The following NCKAP5 variants were observed in gnomAD, a reference collection of about 807,000 sequenced individuals.
NCKAP5 encodes the protein NCK associated protein 5.
A neutral mutation model predicts 167.0 loss-of-function variants in NCKAP5; 92 were observed. The observed-to-expected ratio is 0.55, with a 90% CI of 0.47 to 0.66. NCKAP5 has a LOEUF of 0.66. NCKAP5 is among the 30% of genes least tolerant of loss of function. NCKAP5 has a pLI of 0.00. For synonymous variants in NCKAP5, 891 were observed against 877.4 expected (o/e 1.02, Z -0.27); for missense variants, 2,378 against 2,315.0 (o/e 1.03, Z -0.56).
chr2:133,011,604 A>T (rs970019927), intron 6 of NCKAP5, among the ~76,000 whole-genome samples: 3 of 152,240 alleles, frequency 2.0e-5, no homozygotes, highest in African/African-American at 7.2e-5. Flanking sequence ...TCAATTGTCA[A>T]TCTTCTTATG....
chr2:133,079,930 T>C (rs1042417041), intron 6 of NCKAP5, among the ~76,000 whole-genome samples: 1 of 152,130 alleles, frequency 6.6e-6, no homozygotes, highest in Admixed American at 6.5e-5. Context: ...GATTTGTTAT[T>C]CATTTATCTT....
intron 11 of NCKAP5, among the ~76,000 whole-genome samples, chr2:132,821,026 A>G (rs1162113819): frequency 6.6e-6 from 1 of 152,198 alleles, no homozygotes; most frequent in Non-Finnish European, 1.5e-5. Context: ...GATGGTGGAG[A>G]GGAGACAGGG....
rs2566530 is a variant in NCKAP5, at chr2:132,679,599, T to A, written c.5714-6294A>T. Among the ~76,000 whole-genome samples, 7 of 152,092 alleles carry A rather than the reference T, an allele frequency of 4.6e-5. No individual in the cohort carries two copies. The East Asian group carries it at 1.4e-3, about 29-fold the overall frequency. On this transcript the variant is annotated intron_variant, in intron 19 of 19. Transcript: ENST00000409261. Reference sequence around the variant, plus strand: ...CAGGGAGTTAGTTTGCACAGAGAAGTGTCTCCATGGGCAAAGAAATAGGAA... The same window carrying A: ...CAGGGAGTTAGTTTGCACAGAGAAGAGTCTCCATGGGCAAAGAAATAGGAA...
At chr2:133,438,123 C>T (rs1690609714) in intron 3 of NCKAP5, among the ~76,000 whole-genome samples, 1 of 152,206 alleles carries the variant, frequency 6.6e-6, no homozygotes, top group South Asian at 2.1e-4. Context: ...TAAGTCCATA[C>T]CTTGCCTGTT....
chr2:133,307,829 T>C (rs1191907126), intron 3 of NCKAP5, among the ~76,000 whole-genome samples: 1 of 152,068 alleles, frequency 6.6e-6, no homozygotes, highest in Admixed American at 6.5e-5. Context: ...ACATATGTAA[T>C]ACCTGAGCAA....
At chr2:133,053,239 G>A (rs548327007) in intron 6 of NCKAP5, among the ~76,000 whole-genome samples, 4 of 152,246 alleles carry the variant, frequency 2.6e-5, no homozygotes, top group South Asian at 2.1e-4. Flanking sequence ...TCCTCCAATA[G>A]CTTTAGTTTT....
At chr2:133,101,920 T>C (rs1418403039) in intron 6 of NCKAP5, among the ~76,000 whole-genome samples, 4 of 152,034 alleles carry the variant, frequency 2.6e-5, no homozygotes, top group African/African-American at 7.2e-5. Flanking sequence ...AATCAGTCAC[T>C]AACATCCTCG....
intron 7 of NCKAP5, among the ~76,000 whole-genome samples, chr2:132,972,276 C>CA: frequency 6.6e-6 from 1 of 152,170 alleles, no homozygotes; most frequent in East Asian, 1.9e-4. Context: ...GGCTCACTAT[C>CA]TTATGATTGT....
chr2:133,158,425 G>T (rs907997853), intron 5 of NCKAP5, among the ~76,000 whole-genome samples: 3 of 152,176 alleles, frequency 2.0e-5, no homozygotes, highest in Admixed American at 1.3e-4. Flanking sequence ...AATGGAGGCT[G>T]CACCTTTTAA....
Position 132,999,196 on chromosome 2 carries a change from T to C in NCKAP5, c.342-4957A>G, listed in dbSNP as rs549174927. On this transcript the variant is annotated intron_variant, in intron 6 of 19. Transcript: ENST00000409261. ...TTTTATTTTATTAAAATAGATTCCA[T>C]TTTTTAAGGTACACACTATGTAATC... Among the ~76,000 whole-genome samples, 39 of 152,326 alleles carry C rather than the reference T, an allele frequency of 2.6e-4. No individual in the cohort carries two copies. The East Asian group carries it at 7.1e-3, about 28-fold the overall frequency.
At chr2:133,152,970 A>G (rs1333575650) in intron 5 of NCKAP5, among the ~76,000 whole-genome samples, 1 of 152,232 alleles carries the variant, frequency 6.6e-6, no homozygotes, top group South Asian at 2.1e-4. Context: ...CTGTGTAAGT[A>G]CACTCTGTGA....
intron 10 of NCKAP5, among the ~76,000 whole-genome samples, chr2:132,868,201 A>G (rs946268611): frequency 3.3e-5 from 5 of 152,174 alleles, no homozygotes; most frequent in African/African-American, 1.2e-4. Flanking sequence ...ATCAAAGTAA[A>G]CAAAATCTGA....
intron 5 of NCKAP5, among the ~76,000 whole-genome samples, chr2:133,211,789 G>A (rs561156996): frequency 1.3e-5 from 2 of 152,096 alleles, no homozygotes; most frequent in Non-Finnish European, 2.9e-5. Flanking sequence ...TGAAACATTC[G>A]TAACTTTTCC....
intron 3 of NCKAP5, among the ~76,000 whole-genome samples, chr2:133,329,102 A>C (rs535307570): frequency 6.6e-6 from 1 of 152,302 alleles, no homozygotes; most frequent in South Asian, 2.1e-4. Flanking sequence ...AAGCTTTCAG[A>C]AAGAGGAATT....
intron 6 of NCKAP5, among the ~76,000 whole-genome samples, chr2:133,120,761 C>T (rs1343458393): frequency 6.6e-6 from 1 of 152,148 alleles, no homozygotes; most frequent in Non-Finnish European, 1.5e-5. Flanking sequence ...CAGTTTATAA[C>T]TCTAAGAATG....
At chr2:133,118,366 T>C (rs897428575) in intron 6 of NCKAP5, 2 of 152,150 alleles carry the variant, frequency 1.3e-5, no homozygotes, top group Admixed American at 1.3e-4. Context: ...GGAAATTTTA[T>C]TTTAAAATTC....
At chr2:133,103,694 C>T (rs542417321) in intron 6 of NCKAP5, among the ~76,000 whole-genome samples, 9 of 152,216 alleles carry the variant, frequency 5.9e-5, no homozygotes, top group Non-Finnish European at 5.9e-5. Context: ...AGGGGGATCT[C>T]GCTTGAGCCC....
At chr2:132,729,013 G>A in intron 17 of NCKAP5, 61 bp from the exon 18 acceptor site, 1 of 1,597,344 alleles carries the variant, frequency 6.3e-7, no homozygotes, top group Non-Finnish European at 8.6e-7. Flanking sequence ...TACAAGTTTA[G>A]GGAAGGAGGT....
chr2:133,407,136 G>A (rs577698292), intron 3 of NCKAP5, among the ~76,000 whole-genome samples: 4 of 152,156 alleles, frequency 2.6e-5, no homozygotes, highest in African/African-American at 4.8e-5. Context: ...ATGTTTATCC[G>A]CCAGGTATGA....
Sources: gnomAD v4.1 joint callset for allele counts (sites outside exome capture counted in the v4.1 genomes callset) on GRCh38, gnomAD v4.1.1 for gene constraint, MANE v1.5 for transcripts, NCBI Gene and HGNC (gene_info 2026-07-23, HGNC 2026-07-21) for gene names.